DRC11: variants seen among roughly 807,000 people sequenced by gnomAD.
The protein encoded by DRC11 is IQ and AAA domain-containing protein 1.
chr2:236,357,494 T>C, the DRC11 span, among the ~76,000 whole-genome samples: 63 of 127,392 alleles, frequency 4.9e-4, no homozygotes, highest in African/African-American at 1.2e-3. Context: ...ATATTATAAA[T>C]ACATATTTAC....
the DRC11 span, among the ~76,000 whole-genome samples, chr2:236,492,117 T>G: frequency 6.6e-6 from 1 of 152,226 alleles, no homozygotes; most frequent in South Asian, 2.1e-4. Flanking sequence ...AATACTGGAC[T>G]TCCAAGCCTC....
chr2:236,308,809 G>T, the DRC11 span, among the ~76,000 whole-genome samples: 4 of 152,190 alleles, frequency 2.6e-5, no homozygotes, highest in African/African-American at 4.8e-5. This position sits in a 1 kb window ranked among gnomAD's most constrained non-coding sequence, Gnocchi z 6.0. Flanking sequence ...GTGCTGCAGT[G>T]AACACAGGAG....
At chr2:236,436,165 T>C in the DRC11 span, among the ~76,000 whole-genome samples, 353 of 152,340 alleles carry the variant, frequency 2.3e-3, no homozygotes, top group African/African-American at 3.2e-3. Flanking sequence ...TTTAAAAATT[T>C]TTCTTGTGTT....
chr2:236,428,395 C>T, the DRC11 span, among the ~76,000 whole-genome samples: 1 of 152,008 alleles, frequency 6.6e-6, no homozygotes, highest in East Asian at 1.9e-4. Context: ...TTAATATTTG[C>T]TTTTCATATT....
the DRC11 span, among the ~76,000 whole-genome samples, chr2:236,354,676 G>A: frequency 1.3e-5 from 2 of 152,150 alleles, no homozygotes; most frequent in Non-Finnish European, 2.9e-5. Context: ...ATCAAACCCT[G>A]GTCCCGCCTT....
At chr2:236,468,616 A>T in the DRC11 span, among the ~76,000 whole-genome samples, 1 of 152,158 alleles carries the variant, frequency 6.6e-6, no homozygotes, top group Non-Finnish European at 1.5e-5. Context: ...TTATATAATC[A>T]TTAAAAATAT....
chr2:236,323,097 A>G, the DRC11 span, among the ~76,000 whole-genome samples: 1 of 152,208 alleles, frequency 6.6e-6, no homozygotes, highest in Non-Finnish European at 1.5e-5. The surrounding 1 kb of genome is among the most constrained non-coding windows in gnomAD (Gnocchi z 6.4). Flanking sequence ...ATTTTAAAAA[A>G]CGGTTTACTT....
chr2:236,370,168 C>T, the DRC11 span, among the ~76,000 whole-genome samples: 1 of 152,102 alleles, frequency 6.6e-6, no homozygotes, highest in Non-Finnish European at 1.5e-5. This position sits in a 1 kb window ranked among gnomAD's most constrained non-coding sequence, Gnocchi z 5.5. Context: ...AGGCAGAACA[C>T]CACGTGAAGA....
chr2:236,416,039 G>T, the DRC11 span, among the ~76,000 whole-genome samples: 1 of 152,248 alleles, frequency 6.6e-6, no homozygotes, highest in Non-Finnish European at 1.5e-5. Context: ...GAACAATAGG[G>T]CCCTAGGTGG....
chr2:236,431,878 T>C, the DRC11 span, among the ~76,000 whole-genome samples: 1 of 152,228 alleles, frequency 6.6e-6, no homozygotes, highest in Non-Finnish European at 1.5e-5. The surrounding 1 kb of genome is among the most constrained non-coding windows in gnomAD (Gnocchi z 4.2). Flanking sequence ...TTATGAGTAA[T>C]GCTGCTATGA....
the DRC11 span, among the ~76,000 whole-genome samples, chr2:236,369,319 G>A: frequency 2.6e-5 from 4 of 152,184 alleles, no homozygotes; most frequent in South Asian, 6.2e-4. This position sits in a 1 kb window ranked among gnomAD's most constrained non-coding sequence, Gnocchi z 4.5. Flanking sequence ...GGGGCAGGGG[G>A]CAGCCTTTCA....
chr2:236,498,458 T>A, the DRC11 span, among the ~76,000 whole-genome samples: 2 of 136,784 alleles, frequency 1.5e-5, no homozygotes, highest in East Asian at 4.3e-4. Flanking sequence ...AGCGAGACTG[T>A]CTTAAAAAAA....
the DRC11 span, among the ~76,000 whole-genome samples, chr2:236,496,990 C>T: frequency 4.1e-3 from 625 of 152,244 alleles, 5 homozygotes; most frequent in African/African-American, 0.014. The surrounding 1 kb of genome is among the most constrained non-coding windows in gnomAD (Gnocchi z 6.3). Context: ...AGAAAGGGAG[C>T]CCAATCCTTG....
chr2:236,318,716 GC>G, the DRC11 span, among the ~76,000 whole-genome samples: 1 of 152,048 alleles, frequency 6.6e-6, no homozygotes, highest in South Asian at 2.1e-4. The surrounding 1 kb of genome is among the most constrained non-coding windows in gnomAD (Gnocchi z 7.0). Context: ...ATATATGAAT[GC>G]CCTGTGTGTG....
the DRC11 span, among the ~76,000 whole-genome samples, chr2:236,380,016 G>T: frequency 6.6e-6 from 1 of 152,258 alleles, no homozygotes; most frequent in East Asian, 1.9e-4. The surrounding 1 kb of genome is among the most constrained non-coding windows in gnomAD (Gnocchi z 4.9). Context: ...TAAATTCCTT[G>T]ATAATATTTG....
At chr2:236,400,105 C>G in the DRC11 span, among the ~76,000 whole-genome samples, 1 of 152,352 alleles carries the variant, frequency 6.6e-6, no homozygotes. This position sits in a 1 kb window ranked among gnomAD's most constrained non-coding sequence, Gnocchi z 7.9. Context: ...CTCCACGTTG[C>G]TGTAACCAGC....
the DRC11 span, among the ~76,000 whole-genome samples, chr2:236,399,963 C>T: frequency 6.6e-6 from 1 of 152,028 alleles, no homozygotes; most frequent in Non-Finnish European, 1.5e-5. The surrounding 1 kb of genome is among the most constrained non-coding windows in gnomAD (Gnocchi z 7.0). Flanking sequence ...GCAATCTGTC[C>T]CCCTCAGCCT....
the DRC11 span, among the ~76,000 whole-genome samples, chr2:236,477,768 T>C: frequency 6.6e-6 from 1 of 152,154 alleles, no homozygotes; most frequent in African/African-American, 2.4e-5. Context: ...TTTTGGTAGG[T>C]TGTACATGTC....
At chr2:236,332,318 C>CT in the DRC11 span, 1 of 152,306 alleles carries the variant, frequency 6.6e-6, no homozygotes, top group Admixed American at 6.5e-5. The surrounding 1 kb of genome is among the most constrained non-coding windows in gnomAD (Gnocchi z 5.1). Context: ...GGATGCTTAA[C>CT]TTTAGAGATG....
Sources: gnomAD v4.1 joint callset for allele counts (sites outside exome capture counted in the v4.1 genomes callset) on GRCh38, gnomAD v4.1.1 for gene constraint, Gnocchi (gnomAD v3.1) non-coding constraint, MANE v1.5 for transcripts, NCBI Gene and HGNC (gene_info 2026-07-23, HGNC 2026-07-21) for gene names.